Variants in KLF12 observed in about 807,000 individuals in gnomAD.
KLF12 encodes the protein KLF transcription factor 12, also known as Krueppel-like factor 12.
In KLF12, 9 loss-of-function variants were observed where a neutral mutation model predicts 37.8. The observed-to-expected ratio is 0.24, with a 90% CI of 0.14 to 0.42. The LOEUF (loss-of-function observed/expected upper bound fraction) is 0.42. Among genes scored for constraint, KLF12 ranks in the 10% least tolerant of loss-of-function variants. The pLI is 1.00. For missense variants in KLF12, 411 were observed against 516.0 expected (o/e 0.80, Z 1.97); for synonymous variants, 208 against 202.1 (o/e 1.03, Z -0.25).
chr13:73,756,937 T>C (rs913380534), intron 6 of KLF12, among the ~76,000 whole-genome samples: 3 of 152,176 alleles, frequency 2.0e-5, no homozygotes, highest in African/African-American at 7.2e-5. Flanking sequence ...TTCTTTACTT[T>C]TGTCTCCATA....
intron 2 of KLF12, among the ~76,000 whole-genome samples, chr13:73,979,822 T>C (rs1048093902): frequency 4.6e-5 from 7 of 152,138 alleles, no homozygotes; most frequent in Non-Finnish European, 4.4e-5. Flanking sequence ...TGAGACTCTA[T>C]TTAGAGATAG....
At chr13:74,262,586 G>C in the KLF12 span, among the ~76,000 whole-genome samples, 3 of 152,124 alleles carry the variant, frequency 2.0e-5, no homozygotes, top group African/African-American at 7.2e-5. Context: ...TAAATGCTAT[G>C]TAAACAATAT....
the KLF12 span, among the ~76,000 whole-genome samples, chr13:74,260,555 A>G: frequency 8.9e-6 from 1 of 112,832 alleles, no homozygotes; most frequent in South Asian, 2.8e-4. Flanking sequence ...CACTGTTTCT[A>G]AAATAAAATA....
At chr13:74,011,248 A>AC (rs2138366285) in intron 1 of KLF12, among the ~76,000 whole-genome samples, 1 of 151,856 alleles carries the variant, frequency 6.6e-6, no homozygotes, top group East Asian at 1.9e-4. Flanking sequence ...GCAAAAAAAA[A>AC]AAAAAAAAAG....
the KLF12 span, among the ~76,000 whole-genome samples, chr13:74,233,653 C>T: frequency 6.6e-6 from 1 of 151,870 alleles, no homozygotes; most frequent in Non-Finnish European, 1.5e-5. Flanking sequence ...TATATGAAGA[C>T]AGATGAATGA....
chr13:73,834,785 T>C (rs531406853), intron 4 of KLF12, among the ~76,000 whole-genome samples: 1 of 152,350 alleles, frequency 6.6e-6, no homozygotes, highest in Admixed American at 6.5e-5. Flanking sequence ...GTGCTGAAAT[T>C]ACAGGCGTGA....
chr13:73,778,138 A>T (rs1307314936), intron 5 of KLF12, among the ~76,000 whole-genome samples: 2 of 84,716 alleles, frequency 2.4e-5, no homozygotes, highest in African/African-American at 1.0e-4. Flanking sequence ...CTGTCCAAAA[A>T]AAAAATAAAA....
chr13:73,927,773 A>G (rs1441135435), intron 3 of KLF12, among the ~76,000 whole-genome samples: 1 of 146,944 alleles, frequency 6.8e-6, no homozygotes, highest in Non-Finnish European at 1.5e-5. Context: ...TATTTTTAGT[A>G]AAGACAGGGT....
At chr13:74,146,952 G>A in the KLF12 span, among the ~76,000 whole-genome samples, 3 of 152,174 alleles carry the variant, frequency 2.0e-5, no homozygotes, top group Non-Finnish European at 2.9e-5. Context: ...TACTGGTGGA[G>A]ATAACTTATT....
chr13:74,046,974 A>G (rs975152268), intron 1 of KLF12, among the ~76,000 whole-genome samples: 2 of 152,124 alleles, frequency 1.3e-5, no homozygotes, highest in Admixed American at 1.3e-4. Context: ...TTTTCTTAGG[A>G]AAGAACTACT....
chr13:73,846,024 T>C lies in KLF12; in HGVS notation c.473A>G (p.Gln158Arg). 3.7e-6 allele frequency: 6 copies of C among 1,614,156 alleles called. No individual in the cohort carries two copies. Among genetic ancestry groups the C allele is most frequent in the Non-Finnish European group, 4.2e-6 (5 of 1,180,012 alleles). ...GGGATGGATAATGTGCAAAAACTGC[T>C]GGCCTCCAACACCAGATGCAGAGGC... is the stretch of plus-strand genomic sequence containing the variant. The change falls in exon 4 of 8, where the codon CAG becomes CGG. Residue 158 changes from glutamine (Q) to arginine (R), a missense_variant. This residue lies in a region of KLF12 where 351 missense variants were observed against 397.8 expected (regional missense o/e 0.88). Transcript: ENST00000377669.
intron 7 of KLF12, among the ~76,000 whole-genome samples, chr13:73,700,653 G>A (rs971853878): frequency 6.6e-6 from 1 of 152,036 alleles, no homozygotes; most frequent in Non-Finnish European, 1.5e-5. Context: ...GGTAGGGGAA[G>A]AGAAGATGGC....
At chr13:73,860,778 T>C (rs1292526253) in intron 3 of KLF12, among the ~76,000 whole-genome samples, 2 of 152,060 alleles carry the variant, frequency 1.3e-5, no homozygotes, top group Non-Finnish European at 2.9e-5. Flanking sequence ...ACTTAAACGG[T>C]AAATATATTA....
At chr13:73,998,014 G>A (rs1403700324) in intron 1 of KLF12, among the ~76,000 whole-genome samples, 1 of 152,150 alleles carries the variant, frequency 6.6e-6, no homozygotes, top group African/African-American at 2.4e-5. Context: ...GCAAGCAATA[G>A]AGAATGATTT....
In KLF12 at chr13:74,133,810, TTCTC is replaced by T. The variant is rs922971065; in HGVS notation, c.-107_-104del. Among the ~76,000 whole-genome samples, 13 of 130,384 alleles carry T rather than the reference TTCTC, an allele frequency of 1.0e-4. No individual in the cohort carries two copies. The highest frequency in any genetic ancestry group is 5.4e-4 in the South Asian group (2 of 3,672). 85.5% of individuals were successfully genotyped at this position (130,384 alleles called of 152,430 possible). A position where few individuals can be genotyped will look rare whatever the true frequency, so the allele number is the denominator to read the frequency against. ...ACAGAGTCCCCCTCTCTCTCTCCCTTTCTCTCTCTCACACGCGCGCGCGCACACA... is the reference window on the plus strand; with the variant it reads ...ACAGAGTCCCCCTCTCTCTCTCCCTTTCTCTCACACGCGCGCGCGCACACA... On this transcript the variant is annotated 5_prime_UTR_variant, in exon 1 of 8. Transcript: ENST00000377669.
At chr13:74,106,271 G>A (rs1350114347) in intron 1 of KLF12, among the ~76,000 whole-genome samples, 2 of 152,156 alleles carry the variant, frequency 1.3e-5, no homozygotes, top group Admixed American at 6.5e-5. Context: ...ACAGCTGTCT[G>A]TACCAATTTT....
intron 5 of KLF12, among the ~76,000 whole-genome samples, chr13:73,791,423 T>C (rs753459181): frequency 1.3e-5 from 2 of 152,208 alleles, no homozygotes; most frequent in African/African-American, 2.4e-5. Flanking sequence ...ATGAGCTGTT[T>C]GTCATTTGAA....
chr13:74,187,289 A>G, the KLF12 span, among the ~76,000 whole-genome samples: 2 of 151,748 alleles, frequency 1.3e-5, no homozygotes, highest in Admixed American at 6.6e-5. Context: ...ATGCCACTGC[A>G]CTCCAGCCTG....
the KLF12 span, among the ~76,000 whole-genome samples, chr13:74,209,955 G>T: frequency 2.0e-5 from 3 of 152,188 alleles, no homozygotes; most frequent in African/African-American, 7.2e-5. Flanking sequence ...GTGTGAAACT[G>T]GTTTGTAGCT....
Sources: allele counts gnomAD v4.1 joint callset (sites outside exome capture counted in the v4.1 genomes callset), GRCh38; gene constraint gnomAD v4.1.1; regional missense constraint gnomAD v4.1.1; transcripts MANE v1.5; gene names NCBI Gene and HGNC (gene_info 2026-07-23, HGNC 2026-07-21).